OPA3: variants seen among roughly 807,000 people sequenced by gnomAD.
OPA3 encodes the protein optic atrophy 3 protein.
In OPA3, 6 loss-of-function variants were observed where a neutral mutation model predicts 4.0. The observed-to-expected ratio is 1.51, with a 90% CI of 0.83 to 2.99. The LOEUF is 2.99. Among genes scored for constraint, OPA3 ranks in the 30% most tolerant of loss-of-function variants. The pLI, the probability that OPA3 is intolerant of heterozygous loss-of-function variation, is 0.00. For missense variants in OPA3, 235 were observed against 256.2 expected (o/e 0.92, Z 0.56); for synonymous variants, 105 against 117.1 (o/e 0.90, Z 0.67).
rs1349246268 is a variant in OPA3, at chr19:45,546,669, G to GTT, written c.*6843_*6844dup. On this transcript the variant is annotated 3_prime_UTR_variant, in exon 2 of 2. Transcript: ENST00000263275. ...TGCCACCATGCCTGGCTAATTTTTT[G>GTT]TTTTGTTTTGTTTTGAGACCAAGTC... is the stretch of plus-strand genomic sequence containing the variant. The GTT allele has an allele frequency of 6.6e-6, 1 of 151,774 alleles. No individual in the cohort carries two copies. The highest frequency in any genetic ancestry group is 1.5e-5 in the Non-Finnish European group (1 of 68,128). 9.4% of individuals were successfully genotyped at this position (151,774 alleles called of 1,614,324 possible). A position where few individuals can be genotyped will look rare whatever the true frequency, so the allele number is the denominator to read the frequency against.
intron 1 of OPA3, among the ~76,000 whole-genome samples, chr19:45,557,905 A>T (rs1969444634): frequency 6.6e-6 from 1 of 152,198 alleles, no homozygotes; most frequent in South Asian, 2.1e-4. Flanking sequence ...GGCCAGGCAC[A>T]CGCATGATGC....
chr19:45,571,649 G>A (rs1568408597), intron 1 of OPA3, among the ~76,000 whole-genome samples: 1 of 152,128 alleles, frequency 6.6e-6, no homozygotes, highest in African/African-American at 2.4e-5. Context: ...TCAAACACTG[G>A]TGCGTGTGAG....
intron 1 of OPA3, among the ~76,000 whole-genome samples, chr19:45,537,548 C>G (rs1376184484): frequency 6.6e-6 from 1 of 151,996 alleles, no homozygotes; most frequent in African/African-American, 2.4e-5. Flanking sequence ...CATACAGATA[C>G]CTCCTGCCAA....
intron 1 of OPA3, among the ~76,000 whole-genome samples, chr19:45,540,434 A>T (rs902483456): frequency 1.3e-5 from 2 of 152,004 alleles, no homozygotes; most frequent in African/African-American, 4.8e-5. Context: ...GGTGGCTCAT[A>T]CCTGTAGCCC....
Position 45,548,204 on chromosome 19 carries a change from T to G in OPA3, c.*5310A>C, listed in dbSNP as rs1455310496. The stretch of plus-strand genomic sequence containing the variant: ...CCACTGGGGGACCCAAGCCTGCCAC[T>G]CAGCAACACAGCGACCAGCCCAGGA... On this transcript the variant is annotated 3_prime_UTR_variant, in exon 2 of 2. Transcript: ENST00000263275. The G allele has an allele frequency of 1.0e-6, 1 of 985,854 alleles. No homozygotes were observed. The highest frequency in any genetic ancestry group is 1.2e-6 in the Non-Finnish European group (1 of 830,320). 61.1% of individuals were successfully genotyped at this position (985,854 alleles called of 1,614,324 possible).
At chr19:45,536,177 C>T (rs965102909) in intron 1 of OPA3, among the ~76,000 whole-genome samples, 20 of 147,484 alleles carry the variant, frequency 1.4e-4, no homozygotes, top group African/African-American at 4.8e-4. Context: ...TGCAGTGAGC[C>T]GAGATCACAC....
At chr19:45,579,140 C>T (rs947474845) in intron 1 of OPA3, among the ~76,000 whole-genome samples, 1 of 152,120 alleles carries the variant, frequency 6.6e-6, no homozygotes, top group Non-Finnish European at 1.5e-5. Flanking sequence ...CCTATCTAGG[C>T]TTATAGCCTT....
rs1969305757 is a variant in OPA3 at position 45,549,853 on chromosome 19, G to A, written c.*3661C>T. On this transcript the variant is annotated 3_prime_UTR_variant, in exon 2 of 2. Coordinates refer to ENST00000263275, the MANE Select transcript of OPA3 (RefSeq NM_025136.4). Reference sequence around the variant, plus strand: ...TGCTCCAGCTTCTCCCCCTCTTCCAGAAGGAACTGAAATGCTGTTTCAGGC... The same window carrying A: ...TGCTCCAGCTTCTCCCCCTCTTCCAAAAGGAACTGAAATGCTGTTTCAGGC... 2.0e-6 allele frequency: 2 copies of A among 985,252 alleles called. No individual in the cohort carries two copies. Among genetic ancestry groups the A allele is most frequent in the Admixed American group, 1.2e-4 (2 of 16,216 alleles). The allele number at this position is 985,252 out of a possible 1,614,324, so 61.0% of individuals were successfully genotyped here. A position where few individuals can be genotyped will look rare whatever the true frequency, so the allele number is the denominator to read the frequency against.
chr19:45,567,847 C>T (rs1406809740), intron 1 of OPA3, among the ~76,000 whole-genome samples: 5 of 152,126 alleles, frequency 3.3e-5, no homozygotes, highest in Non-Finnish European at 7.4e-5. Context: ...TGGTTAAGAT[C>T]ATTTGCTGAG....
chr19:45,528,735 G>A (rs571115232), exon 2 of OPA3: 17 of 318,410 alleles, frequency 5.3e-5, no homozygotes, highest in African/African-American at 3.7e-4. Context: ...CCTACCTAGC[G>A]GTAGGGAGGT....
chr19:45,556,105 T>C (rs770082902), intron 1 of OPA3, among the ~76,000 whole-genome samples: 5 of 152,108 alleles, frequency 3.3e-5, no homozygotes, highest in Admixed American at 6.6e-5. Context: ...GAAGAAAAGT[T>C]TTACTTGTCA....
Position 45,550,969 on chromosome 19 carries a change from C to CT in OPA3, c.*2544dup. 3.0e-6 allele frequency: 3 copies of CT among 985,340 alleles called. No homozygotes were observed. The highest frequency in any genetic ancestry group is 3.6e-6 in the Non-Finnish European group (3 of 829,960). 61.0% of individuals were successfully genotyped at this position (985,340 alleles called of 1,614,324 possible). On this transcript the variant is annotated 3_prime_UTR_variant, in exon 2 of 2. Transcript: ENST00000263275. ...CGGGGTTGGCAGGAGTCCCAGGGTACTTTTTTTCTGAGAAAGGGTCTCACT... is the reference window on the plus strand; with the variant it reads ...CGGGGTTGGCAGGAGTCCCAGGGTACTTTTTTTTCTGAGAAAGGGTCTCACT...
In OPA3 at chr19:45,552,250, C is replaced by T. The variant is rs1011506092; in HGVS notation, c.*1264G>A. The T allele has an allele frequency of 8.2e-6, 8 of 978,878 alleles. No individual in the cohort carries two copies. The highest frequency in any genetic ancestry group is 1.2e-4 in the Admixed American group (2 of 16,220). The allele number at this position is 978,878 out of a possible 1,614,324, so 60.6% of individuals were successfully genotyped here. ...TTAAGATGGAGTTTTGCTCGTTACC[C>T]AGGCTGGCATGCAATTGCGCAATCT... On this transcript the variant is annotated 3_prime_UTR_variant, in exon 2 of 2. Transcript: ENST00000263275.
chr19:45,544,259 C>A (rs890326860), downstream of OPA3, among the ~76,000 whole-genome samples: 2 of 152,176 alleles, frequency 1.3e-5, no homozygotes, highest in African/African-American at 2.4e-5. Flanking sequence ...TTCATAGCAG[C>A]CCTATTCATA....
At chr19:45,565,940 C>T (rs559531606) in intron 1 of OPA3, among the ~76,000 whole-genome samples, 4 of 152,202 alleles carry the variant, frequency 2.6e-5, no homozygotes, top group African/African-American at 9.6e-5. Flanking sequence ...GACAGAGTGA[C>T]ACTTGGTCTT....
chr19:45,539,382 A>G (rs996347541), intron 1 of OPA3, among the ~76,000 whole-genome samples: 3 of 152,204 alleles, frequency 2.0e-5, no homozygotes, highest in African/African-American at 4.8e-5. Flanking sequence ...GCTTGAACCC[A>G]GGAGTTCAAG....
intron 1 of OPA3, chr19:45,584,390 C>T (rs1043401661): frequency 4.8e-5 from 47 of 985,292 alleles, no homozygotes; most frequent in Middle Eastern, 5.2e-4. Flanking sequence ...CTTCCTTTAT[C>T]GGCTGGCATT....
chr19:45,537,407 A>AAAAAAAAAAAAAC (rs1969131507), intron 1 of OPA3, among the ~76,000 whole-genome samples: 2 of 125,482 alleles, frequency 1.6e-5, no homozygotes, highest in African/African-American at 6.2e-5. Flanking sequence ...AAAAAAAAAA[A>AAAAAAAAAAAAAC]AAAAAAAAAA....
intron 1 of OPA3, among the ~76,000 whole-genome samples, chr19:45,574,024 G>A (rs1421598842): frequency 5.9e-5 from 9 of 151,722 alleles, no homozygotes; most frequent in Non-Finnish European, 1.2e-4. Context: ...TTAGCTGGGC[G>A]TGGTGGCAGG....
Sources: gnomAD v4.1 joint callset for allele counts (sites outside exome capture counted in the v4.1 genomes callset) on GRCh38, gnomAD v4.1.1 for gene constraint, MANE v1.5 for transcripts, NCBI Gene and HGNC (gene_info 2026-07-23, HGNC 2026-07-21) for gene names.